The following CACNG2 variants were observed in gnomAD, a reference collection of about 807,000 sequenced individuals.
CACNG2 encodes voltage-dependent calcium channel gamma-2 subunit.
Under a neutral mutation model 25.9 loss-of-function variants are expected in CACNG2, and 3 were observed. The ratio of observed to expected loss-of-function variants is 0.12; its 90% CI spans 0.05 to 0.30. The LOEUF is 0.30. Among genes scored for constraint, CACNG2 ranks in the 10% least tolerant of loss-of-function variants. The pLI, the probability that CACNG2 is intolerant of heterozygous loss-of-function variation, is 1.00. For synonymous variants in CACNG2, 167 were observed against 173.3 expected (o/e 0.96, Z 0.29); for missense variants, 341 against 432.5 (o/e 0.79, Z 1.88).
At chr22:36,699,307 AG>A (rs1299934932) in intron 1 of CACNG2, among the ~76,000 whole-genome samples, 2 of 151,640 alleles carry the variant, frequency 1.3e-5, no homozygotes, top group East Asian at 3.9e-4. Flanking sequence ...GAAGAAAATA[AG>A]GGTGGTGGTT....
intron 1 of CACNG2, 86 bp downstream of exon 1, chr22:36,702,280 G>T: frequency 1.2e-6 from 1 of 826,550 alleles, no homozygotes. Context: ...GAATGTAAAG[G>T]GGACTTATTT....
At chr22:36,683,233 A>G (rs914020620) in intron 1 of CACNG2, among the ~76,000 whole-genome samples, 6 of 152,280 alleles carry the variant, frequency 3.9e-5, no homozygotes, top group Non-Finnish European at 8.8e-5. Context: ...ATTCAACTGT[A>G]TAAGAAGTAG....
intron 1 of CACNG2, among the ~76,000 whole-genome samples, chr22:36,671,647 A>G (rs1408407713): frequency 2.0e-5 from 3 of 152,222 alleles, no homozygotes; most frequent in Non-Finnish European, 4.4e-5. Context: ...CCATCTGTGC[A>G]TTCCCGACCT....
intron 1 of CACNG2, among the ~76,000 whole-genome samples, chr22:36,602,853 G>A (rs1214195536): frequency 2.0e-5 from 3 of 152,114 alleles, no homozygotes; most frequent in Non-Finnish European, 4.4e-5. Context: ...CCATGTCCCT[G>A]TTTCTCCCCC....
chr22:36,608,279 C>T (rs1288305041), intron 1 of CACNG2, among the ~76,000 whole-genome samples: 2 of 152,228 alleles, frequency 1.3e-5, no homozygotes, highest in East Asian at 3.9e-4. Context: ...CCCGAGCTGC[C>T]TCTCCCTCCT....
At chr22:36,582,411 T>C (rs1255927851) in intron 2 of CACNG2, among the ~76,000 whole-genome samples, 5 of 137,600 alleles carry the variant, frequency 3.6e-5, no homozygotes, top group Admixed American at 2.1e-4. Context: ...TCTTTCTTTC[T>C]TTTTTTTTTT....
intron 1 of CACNG2, among the ~76,000 whole-genome samples, chr22:36,588,794 G>C (rs1038879573): frequency 2.6e-5 from 4 of 152,156 alleles, no homozygotes; most frequent in African/African-American, 9.7e-5. Context: ...GCATTGACGT[G>C]AGACAGAAAT....
At chr22:36,686,110 C>A (rs756461252) in intron 1 of CACNG2, among the ~76,000 whole-genome samples, 8 of 152,194 alleles carry the variant, frequency 5.3e-5, no homozygotes, top group Non-Finnish European at 8.8e-5. Flanking sequence ...GCAGAGGCTG[C>A]AAATGTCTGA....
chr22:36,646,337 A>T (rs1238116178), intron 1 of CACNG2, among the ~76,000 whole-genome samples: 1 of 152,186 alleles, frequency 6.6e-6, no homozygotes, highest in Non-Finnish European at 1.5e-5. Flanking sequence ...AGTTCACTGG[A>T]ATTAAAATTT....
chr22:36,600,156 C>T (rs1935732221), intron 1 of CACNG2, among the ~76,000 whole-genome samples: 1 of 152,204 alleles, frequency 6.6e-6, no homozygotes. Context: ...GGTATCTGAG[C>T]CACACTCCCA....
chr22:36,582,883 G>A (rs769570445), intron 2 of CACNG2, among the ~76,000 whole-genome samples: 3 of 151,978 alleles, frequency 2.0e-5, no homozygotes, highest in African/African-American at 7.3e-5. Flanking sequence ...CTCAAAGAGG[G>A]CCTGGCATAC....
At chr22:36,692,385 AG>A (rs1937277478) in intron 1 of CACNG2, among the ~76,000 whole-genome samples, 1 of 152,210 alleles carries the variant, frequency 6.6e-6, no homozygotes, top group Non-Finnish European at 1.5e-5. Flanking sequence ...TTGCTAAGTC[AG>A]TGCCTCTGGG....
chr22:36,626,254 T>A (rs1359426040), intron 1 of CACNG2, among the ~76,000 whole-genome samples: 2 of 152,198 alleles, frequency 1.3e-5, no homozygotes, highest in Non-Finnish European at 2.9e-5. Flanking sequence ...GCAGACTAAC[T>A]GTGAGCTCCA....
intron 1 of CACNG2, among the ~76,000 whole-genome samples, chr22:36,612,316 C>T (rs1407629257): frequency 1.3e-5 from 2 of 152,250 alleles, no homozygotes; most frequent in Admixed American, 6.5e-5. Context: ...TAGAAGAGTA[C>T]TTTATGCATA....
chr22:36,642,000 AG>A (rs1287909364), intron 1 of CACNG2, among the ~76,000 whole-genome samples: 1 of 152,186 alleles, frequency 6.6e-6, no homozygotes, highest in Non-Finnish European at 1.5e-5. Context: ...AGGGAATGAA[AG>A]ACAAGCGCTC....
chr22:36,611,870 A>G (rs1935947506), intron 1 of CACNG2, among the ~76,000 whole-genome samples: 1 of 152,130 alleles, frequency 6.6e-6, no homozygotes, highest in Non-Finnish European at 1.5e-5. Flanking sequence ...GAGACCTGGG[A>G]CCATGAGTTT....
intron 1 of CACNG2, among the ~76,000 whole-genome samples, chr22:36,626,475 C>T (rs1161637895): frequency 1.3e-5 from 2 of 152,158 alleles, no homozygotes; most frequent in East Asian, 1.9e-4. Flanking sequence ...TCCTCTTCCT[C>T]CTTCTTCCCG....
intron 1 of CACNG2, among the ~76,000 whole-genome samples, chr22:36,588,164 C>T (rs912897295): frequency 1.3e-5 from 2 of 152,168 alleles, no homozygotes; most frequent in Non-Finnish European, 2.9e-5. Flanking sequence ...ATTTTGGTTC[C>T]ACCACAGGCC....
In CACNG2 at chr22:36,702,732, T is replaced by C; in HGVS notation, c.-156A>G. 1 of 605,478 alleles carries C rather than the reference T, an allele frequency of 1.7e-6. No homozygotes were observed. The highest frequency in any genetic ancestry group is 2.1e-5 in the South Asian group (1 of 46,880). 37.5% of individuals were successfully genotyped at this position (605,478 alleles called of 1,614,324 possible). On this transcript the variant is annotated 5_prime_UTR_variant, in exon 1 of 4. Coordinates refer to ENST00000300105, the MANE Select transcript of CACNG2 (RefSeq NM_006078.5). ...TATGAATAGAGAATATGGAGAGTTA[T>C]AAAAAAAGGGAGGTAAGAAAGCTCA...
Sources: gnomAD v4.1 joint callset for allele counts (sites outside exome capture counted in the v4.1 genomes callset) on GRCh38, gnomAD v4.1.1 for gene constraint, MANE v1.5 for transcripts, NCBI Gene and HGNC (gene_info 2026-07-23, HGNC 2026-07-21) for gene names.